The following TMEM65 variants were observed in gnomAD, a reference collection of about 807,000 sequenced individuals.
TMEM65 encodes transmembrane protein 65.
A neutral mutation model predicts 25.4 loss-of-function variants in TMEM65; 22 were observed. That is an observed-to-expected ratio of 0.86 (90% CI 0.62 to 1.23). TMEM65 has a LOEUF of 1.23. Among genes scored for constraint, TMEM65 ranks in the 50% most tolerant of loss-of-function variants. The pLI is 0.00. For missense variants in TMEM65, 262 were observed against 308.2 expected (o/e 0.85, Z 1.12); for synonymous variants, 132 against 126.2 (o/e 1.05, Z -0.31).
intron 2 of TMEM65, among the ~76,000 whole-genome samples, chr8:124,329,187 AT>A (rs1332034425): frequency 6.6e-6 from 1 of 151,734 alleles, no homozygotes; most frequent in Non-Finnish European, 1.5e-5. Flanking sequence ...ATAAAATGGG[AT>A]TTTTTTTCAA....
At chr8:124,353,604 AAG>A (rs1491280181) in intron 1 of TMEM65, among the ~76,000 whole-genome samples, 2 of 152,178 alleles carry the variant, frequency 1.3e-5, no homozygotes, top group African/African-American at 2.4e-5. Flanking sequence ...GAGAAAAAAA[AAG>A]AGTCTCTTGT....
At chr8:124,333,681 A>G (rs1213487738) in intron 1 of TMEM65, among the ~76,000 whole-genome samples, 1 of 152,162 alleles carries the variant, frequency 6.6e-6, no homozygotes, top group Non-Finnish European at 1.5e-5. Flanking sequence ...CAAAAATACA[A>G]CAAATTAACT....
chr8:124,365,244 T>A (rs1317336036), intron 1 of TMEM65, among the ~76,000 whole-genome samples: 1 of 152,214 alleles, frequency 6.6e-6, no homozygotes, highest in African/African-American at 2.4e-5. Flanking sequence ...GTGTTTGACT[T>A]ACCTGGAAGC....
At chr8:124,319,485 A>G (rs1036555957) in intron 6 of TMEM65, among the ~76,000 whole-genome samples, 1 of 151,948 alleles carries the variant, frequency 6.6e-6, no homozygotes, top group African/African-American at 2.4e-5. Flanking sequence ...GCTACTATAT[A>G]TTATATTCCT....
intron 6 of TMEM65, among the ~76,000 whole-genome samples, chr8:124,315,646 T>C: frequency 6.6e-6 from 1 of 151,934 alleles, no homozygotes; most frequent in South Asian, 2.1e-4. Flanking sequence ...TTCTAACAAA[T>C]TTAATAGTAG....
At chr8:124,366,881 T>C (rs1814946210) in intron 1 of TMEM65, among the ~76,000 whole-genome samples, 1 of 152,164 alleles carries the variant, frequency 6.6e-6, no homozygotes, top group Non-Finnish European at 1.5e-5. Flanking sequence ...AAATAACTGA[T>C]TGTAGCAAAG....
chr8:124,310,155 C>CA lies in TMEM65; in HGVS notation c.*3804dup, dbSNP rs142962867. ...CCTGGGTGACATCAAGACTCCATCTCAAAAAAAAGTATATTTGCTTTTCTG... is the reference window on the plus strand; with the variant it reads ...CCTGGGTGACATCAAGACTCCATCTCAAAAAAAAAGTATATTTGCTTTTCTG... On this transcript the variant is annotated 3_prime_UTR_variant, in exon 7 of 7. Transcript: ENST00000297632. 7,162 of 151,978 alleles carry CA rather than the reference C, an allele frequency of 0.047. 193 individuals carry two copies. Among genetic ancestry groups the CA allele is most frequent in the Non-Finnish European group, 0.06 (4,071 of 68,056 alleles). 9.4% of individuals were successfully genotyped at this position (151,978 alleles called of 1,614,324 possible). A position where few individuals can be genotyped will look rare whatever the true frequency, so the allele number is the denominator to read the frequency against.
At chr8:124,369,300 A>C (rs550391386) in intron 1 of TMEM65, among the ~76,000 whole-genome samples, 2 of 152,366 alleles carry the variant, frequency 1.3e-5, no homozygotes, top group East Asian at 3.9e-4. Flanking sequence ...AACTGATTCC[A>C]AAGCTTTATC....
chr8:124,356,084 C>A (rs570725002), intron 1 of TMEM65, among the ~76,000 whole-genome samples: 20 of 152,304 alleles, frequency 1.3e-4, no homozygotes, highest in African/African-American at 3.6e-4. Context: ...GGATCCTTCT[C>A]CCAATCTCTA....
intron 1 of TMEM65, among the ~76,000 whole-genome samples, chr8:124,351,329 T>G (rs968352941): frequency 6.6e-6 from 1 of 152,176 alleles, no homozygotes; most frequent in African/African-American, 2.4e-5. Flanking sequence ...TTGTAATCAT[T>G]CTGTGACCTT....
At chr8:124,316,392 G>C (rs577443686) in intron 6 of TMEM65, among the ~76,000 whole-genome samples, 126 of 152,248 alleles carry the variant, frequency 8.3e-4, no homozygotes, top group African/African-American at 2.9e-3. Context: ...ATGTGTATCT[G>C]TATTTATTCT....
At chr8:124,314,620 T>C (rs1163917248) in intron 6 of TMEM65, among the ~76,000 whole-genome samples, 2 of 152,278 alleles carry the variant, frequency 1.3e-5, no homozygotes, top group Admixed American at 6.5e-5. Context: ...AAAAATTTTA[T>C]TTCATTTTTA....
At chr8:124,354,568 A>C (rs941981593) in intron 1 of TMEM65, among the ~76,000 whole-genome samples, 5 of 152,304 alleles carry the variant, frequency 3.3e-5, no homozygotes, top group African/African-American at 1.2e-4. Context: ...CACCCTGCCC[A>C]GGGCACTCCA....
chr8:124,364,707 T>C (rs936908463), intron 1 of TMEM65, among the ~76,000 whole-genome samples: 2 of 152,224 alleles, frequency 1.3e-5, no homozygotes, highest in African/African-American at 4.8e-5. Flanking sequence ...AAGAACCTCT[T>C]ATTTACTCTT....
intron 1 of TMEM65, among the ~76,000 whole-genome samples, chr8:124,367,524 G>C (rs1398079709): frequency 6.6e-6 from 1 of 152,000 alleles, no homozygotes; most frequent in Non-Finnish European, 1.5e-5. Context: ...ACATAATCCT[G>C]AGCAATGGGC....
At chr8:124,325,916 A>T (rs1431980839) in intron 3 of TMEM65, among the ~76,000 whole-genome samples, 1 of 152,026 alleles carries the variant, frequency 6.6e-6, no homozygotes. Flanking sequence ...CCTACTTTGA[A>T]ACCAAATCTT....
intron 1 of TMEM65, among the ~76,000 whole-genome samples, chr8:124,352,742 A>C (rs1474213880): frequency 6.6e-6 from 1 of 152,070 alleles, no homozygotes; most frequent in Non-Finnish European, 1.5e-5. Context: ...TATAGGAGGC[A>C]GGGGAAGCCA....
intron 6 of TMEM65, among the ~76,000 whole-genome samples, chr8:124,318,244 G>A (rs1383006772): frequency 3.3e-5 from 5 of 151,700 alleles, no homozygotes; most frequent in East Asian, 3.9e-4. Flanking sequence ...AGACAGGAAC[G>A]AAGTCCTAGC....
chr8:124,350,589 A>C (rs1395801129), intron 1 of TMEM65, among the ~76,000 whole-genome samples: 1 of 152,076 alleles, frequency 6.6e-6, no homozygotes. Context: ...GAATGACCTT[A>C]GTATGAACTT....
Sources: allele counts gnomAD v4.1 joint callset (sites outside exome capture counted in the v4.1 genomes callset), GRCh38; gene constraint gnomAD v4.1.1; transcripts MANE v1.5; gene names NCBI Gene and HGNC (gene_info 2026-07-23, HGNC 2026-07-21).